Variants in SYTL5 observed in about 807,000 individuals in gnomAD.
SYTL5 encodes synaptotagmin-like protein 5.
In SYTL5, 34 loss-of-function variants were observed where a neutral mutation model predicts 55.9. The ratio of observed to expected loss-of-function variants is 0.61; its 90% CI spans 0.46 to 0.81. The LOEUF is 0.81. SYTL5 is among the 30% of genes least tolerant of loss of function. SYTL5 has a pLI of 0.00. For synonymous variants in SYTL5, 221 were observed against 188.7 expected (o/e 1.17, Z -1.40); for missense variants, 637 against 546.7 (o/e 1.17, Z -1.65).
rs1447555819 is a variant in SYTL5 at position 38,128,698 on chromosome X, C to T, written c.*1968C>T. 2.7e-5 allele frequency: 3 copies of T among 111,626 alleles called. No individual in the cohort carries two copies. The allele number at this position is 111,626 out of a possible 1,213,427, so 9.2% of individuals were successfully genotyped here. A position where few individuals can be genotyped will look rare whatever the true frequency, so the allele number is the denominator to read the frequency against. On this transcript the variant is annotated 3_prime_UTR_variant, in exon 17 of 17. Transcript: ENST00000297875. Reference sequence around the variant, plus strand: ...TAGTCTAGTGTCGCTTAGCAAGGTACTTAAAAGAAAATCTGCACATATCCT... The same window carrying T: ...TAGTCTAGTGTCGCTTAGCAAGGTATTTAAAAGAAAATCTGCACATATCCT...
At chrX:37,895,427 T>A in the SYTL5 span, among the ~76,000 whole-genome samples, 1 of 90,306 alleles carries the variant, frequency 1.1e-5, no homozygotes, top group Non-Finnish European at 2.0e-5. Flanking sequence ...CTTCCTTCCT[T>A]CCTTCCTTCC....
chrX:37,991,115 C>T, the SYTL5 span: 1 of 1,211,441 alleles, frequency 8.3e-7, no homozygotes, highest in East Asian at 3.0e-5. Context: ...TGGACAACAA[C>T]CGTGAGCCCC....
Position 38,076,428 on chromosome X carries a change from T to G in SYTL5, c.555-139T>G, listed in dbSNP as rs1569178394. ...ACTGTATTGCAGAGGCACTGGGAAC[T>G]CTCCAGAACCTCTCAGCCCTAAGGC... On this transcript the variant is annotated intron_variant, in intron 5 of 16. Transcript: ENST00000297875. The G allele has an allele frequency of 1.2e-5, 6 of 495,967 alleles. No individual in the cohort carries two copies. The East Asian group carries it at 1.9e-4, about 16-fold the overall frequency. The allele number at this position is 495,967 out of a possible 1,213,427, so 40.9% of individuals were successfully genotyped here.
At position 38,094,410 on chromosome X, in the gene SYTL5, C is replaced by T. The variant is rs143034665; in HGVS notation, c.947C>T (p.Thr316Ile). 576 of 1,195,776 alleles carry T rather than the reference C, an allele frequency of 4.8e-4. No homozygotes were observed. The Middle Eastern group carries it at 5.6e-3, about 12-fold the overall frequency. ...SGTPSIAVSG[T>I]SLSSDQSRSE... ...ACACCTTCCATAGCAGTGTCTGGAA[C>T]CTCTCTCTCCTCAGGTGGGTATTTA... The change falls in exon 8 of 17, where the codon ACC (threonine) becomes ATC (isoleucine). Residue 316 changes from threonine to isoleucine, a missense_variant. Coordinates refer to ENST00000297875, the MANE Select transcript of SYTL5 (RefSeq NM_138780.3).
At chrX:37,941,902 AG>A in the SYTL5 span, among the ~76,000 whole-genome samples, 269 of 25,352 alleles carry the variant, frequency 0.011, no homozygotes, top group Non-Finnish European at 0.064. Flanking sequence ...AATAACTTGT[AG>A]GGAAAAAAAA....
chrX:38,074,640 C>T (rs1936342652), intron 5 of SYTL5, among the ~76,000 whole-genome samples: 1 of 111,793 alleles, frequency 8.9e-6, no homozygotes, highest in African/African-American at 3.3e-5. Flanking sequence ...ATTTATCTGG[C>T]TGTACAAAAT....
chrX:37,965,613 T>C, the SYTL5 span, among the ~76,000 whole-genome samples: 16 of 112,175 alleles, frequency 1.4e-4, no homozygotes, highest in African/African-American at 4.2e-4. Flanking sequence ...TATATGACTG[T>C]TAGGTCCATT....
chrX:38,118,376 T>A (rs1937526534), intron 13 of SYTL5, among the ~76,000 whole-genome samples: 2 of 111,698 alleles, frequency 1.8e-5, no homozygotes, highest in Admixed American at 1.9e-4. Context: ...TTATGCCAAG[T>A]CTTGAACAGT....
At position 38,120,408 on chromosome X, in the gene SYTL5, T is replaced by G. The variant is rs375821070; in HGVS notation, c.1647T>G (p.Val549=). The G allele has an allele frequency of 2.5e-6, 3 of 1,209,656 alleles. No homozygotes were observed. The highest frequency in any genetic ancestry group is 2.2e-6 in the Non-Finnish European group (2 of 894,914). ...TTCAATACAAAGGAGAGCTGACAGTTGTTTTACGTTACATTCCCCCAGAAG... is the reference window on the plus strand; with the variant it reads ...TTCAATACAAAGGAGAGCTGACAGTGGTTTTACGTTACATTCCCCCAGAAG... ...IGLQYKGELT[V]VLRYIPPEEN... is the part of the protein sequence containing the mutation. Residue 549 remains valine (V), a synonymous_variant, in exon 14 of 17, where the codon GTT becomes GTG. Transcript: ENST00000297875.
intron 1 of SYTL5, among the ~76,000 whole-genome samples, chrX:38,026,291 A>G (rs1370194322): frequency 8.9e-6 from 1 of 111,866 alleles, no homozygotes; most frequent in Non-Finnish European, 1.9e-5. Context: ...CTGCGTTATC[A>G]TCAACTGCAT....
At chrX:37,981,631 A>T in the SYTL5 span, among the ~76,000 whole-genome samples, 2 of 111,650 alleles carry the variant, frequency 1.8e-5, no homozygotes, top group Non-Finnish European at 3.8e-5. Flanking sequence ...CTAGGTAACT[A>T]ACCTGTCAAG....
intron 10 of SYTL5, among the ~76,000 whole-genome samples, chrX:38,103,352 C>G (rs1479030214): frequency 8.9e-6 from 1 of 112,004 alleles, no homozygotes; most frequent in Non-Finnish European, 1.9e-5. Context: ...AAGTAAACAA[C>G]TATTTTAAAT....
the SYTL5 span, among the ~76,000 whole-genome samples, chrX:37,928,404 C>T: frequency 1.8e-5 from 2 of 111,699 alleles, no homozygotes; most frequent in African/African-American, 3.3e-5. Flanking sequence ...TGGATCACCA[C>T]GTTTTTGTAT....
the SYTL5 span, among the ~76,000 whole-genome samples, chrX:37,999,383 T>C: frequency 8.3e-4 from 93 of 112,591 alleles, no homozygotes; most frequent in Non-Finnish European, 1.2e-3. Context: ...TTTATGAGAG[T>C]AGAAGATTTG....
At chrX:38,121,284 A>G (rs745738203) in intron 14 of SYTL5, among the ~76,000 whole-genome samples, 10 of 111,640 alleles carry the variant, frequency 9.0e-5, no homozygotes, top group African/African-American at 3.3e-4. Context: ...ACATTTCAAC[A>G]TGGGATTTGG....
chrX:38,052,815 A>G (rs1479098878), intron 2 of SYTL5, among the ~76,000 whole-genome samples: 1 of 111,613 alleles, frequency 9.0e-6, no homozygotes, highest in African/African-American at 3.3e-5. Context: ...TTTTTCCTAG[A>G]ACATAGACAT....
the SYTL5 span, among the ~76,000 whole-genome samples, chrX:37,985,235 C>A: frequency 4.5e-5 from 5 of 111,427 alleles, no homozygotes; most frequent in East Asian, 2.8e-4. Context: ...CCTAAAGAAT[C>A]CACTAAAAGT....
At chrX:38,085,291 A>G (rs1263954947) in intron 6 of SYTL5, among the ~76,000 whole-genome samples, 1 of 111,567 alleles carries the variant, frequency 9.0e-6, no homozygotes, top group Non-Finnish European at 1.9e-5. Context: ...TGGCACCTAG[A>G]TGCCACACCC....
the SYTL5 span, among the ~76,000 whole-genome samples, chrX:37,971,640 A>C: frequency 3.6e-5 from 4 of 111,345 alleles, no homozygotes; most frequent in East Asian, 2.8e-4. Flanking sequence ...AATAGAACCC[A>C]AAAGCTCTAT....
Sources: gnomAD v4.1 joint callset for allele counts (sites outside exome capture counted in the v4.1 genomes callset) on GRCh38, gnomAD v4.1.1 for gene constraint, MANE v1.5 for transcripts, NCBI Gene and HGNC (gene_info 2026-07-23, HGNC 2026-07-21) for gene names.